KDM4C: variants seen among roughly 807,000 people sequenced by gnomAD.
KDM4C encodes the protein lysine-specific demethylase 4C.
KDM4C carries 81 observed loss-of-function variants against 129.3 expected under a neutral mutation model. That is an observed-to-expected ratio of 0.63 (90% CI 0.52 to 0.75). The LOEUF (loss-of-function observed/expected upper bound fraction) is 0.75. Ranked by LOEUF, KDM4C falls within the 30% of genes least tolerant of loss-of-function variation. The probability of loss-of-function intolerance (pLI) is 0.00; values close to 1 mark genes in which losing one functional copy is unlikely to be tolerated. For synonymous variants in KDM4C, 573 were observed against 456.1 expected, an observed-to-expected ratio of 1.26 and a Z score of -3.26; for missense variants, 1,457 against 1,304.0, an observed-to-expected ratio of 1.12 and a Z score of -1.81.
intron 8 of KDM4C, among the ~76,000 whole-genome samples, chr9:6,933,642 A>G (rs1824169752): frequency 6.6e-6 from 1 of 152,324 alleles, no homozygotes; most frequent in Non-Finnish European, 1.5e-5. Context: ...ACTTGTTGGT[A>G]ATTTGATAAG....
intron 8 of KDM4C, among the ~76,000 whole-genome samples, chr9:6,956,005 C>T (rs1200354330): frequency 6.6e-6 from 1 of 152,138 alleles, no homozygotes; most frequent in Non-Finnish European, 1.5e-5. Context: ...CCTTCAGAAA[C>T]TGCAGTGTGC....
intron 18 of KDM4C, among the ~76,000 whole-genome samples, chr9:7,112,198 C>T (rs867943305): frequency 6.6e-6 from 1 of 152,144 alleles, no homozygotes; most frequent in South Asian, 2.1e-4. Context: ...TTTCCTTCAT[C>T]CATGTTCCCC....
chr9:7,144,060 ATTAC>A (rs1425778471), intron 19 of KDM4C, among the ~76,000 whole-genome samples: 1 of 151,324 alleles, frequency 6.6e-6, no homozygotes, highest in Non-Finnish European at 1.5e-5. Flanking sequence ...GATATCCTGA[ATTAC>A]TTCATTTTTG....
At chr9:7,123,206 A>G (rs1839687472) in intron 18 of KDM4C, among the ~76,000 whole-genome samples, 1 of 152,304 alleles carries the variant, frequency 6.6e-6, no homozygotes, top group African/African-American at 2.4e-5. Flanking sequence ...TAAATTTCAT[A>G]TCCTAAGCAG....
upstream of KDM4C, among the ~76,000 whole-genome samples, chr9:6,753,938 G>A (rs547243957): frequency 1.6e-5 from 2 of 126,726 alleles, no homozygotes; most frequent in Non-Finnish European, 1.6e-5. Flanking sequence ...GCAGTGGCAC[G>A]ACCTCGACTC....
chr9:6,919,508 T>C (rs1459471121), intron 8 of KDM4C, among the ~76,000 whole-genome samples: 1 of 151,092 alleles, frequency 6.6e-6, no homozygotes, highest in African/African-American at 2.4e-5. Flanking sequence ...AAGAATTGCC[T>C]ATATTTCATC....
At chr9:6,926,308 C>G (rs930513819) in intron 8 of KDM4C, among the ~76,000 whole-genome samples, 2 of 112,858 alleles carry the variant, frequency 1.8e-5, no homozygotes, top group Non-Finnish European at 3.6e-5. Flanking sequence ...TGAATAGAAA[C>G]AAGTGGAGAA....
rs116702588 is a variant in KDM4C at position 6,980,132 on chromosome 9, C to G, written c.922-793C>G. Among the ~76,000 whole-genome samples the G allele has an allele frequency of 2.3e-3, 348 of 152,224 alleles. 1 individual carries two copies. Among genetic ancestry groups the G allele is most frequent in the African/African-American group, 7.8e-3 (326 of 41,542 alleles). On this transcript the variant is annotated intron_variant, in intron 8 of 21. Transcript: ENST00000381309. ...GATTGTCAAGGTCTATCAGTTAAAT[C>G]TTGGAGATTATTTATGCACCACCAT... is the stretch of plus-strand genomic sequence containing the variant.
At chr9:6,865,914 T>C (rs925845890) in intron 5 of KDM4C, among the ~76,000 whole-genome samples, 4 of 151,982 alleles carry the variant, frequency 2.6e-5, no homozygotes, top group Admixed American at 6.5e-5. Context: ...CCACCATGCC[T>C]GGCTAATTTT....
At chr9:6,743,871 G>C (rs1817785816) in intron 1 of KDM4C, among the ~76,000 whole-genome samples, 1 of 151,862 alleles carries the variant, frequency 6.6e-6, no homozygotes, top group African/African-American at 2.4e-5. Flanking sequence ...TTGGGGTGGG[G>C]GACACCTGAC....
intron 2 of KDM4C, among the ~76,000 whole-genome samples, chr9:6,793,838 C>T (rs752796031): frequency 2.0e-5 from 3 of 152,020 alleles, no homozygotes; most frequent in Non-Finnish European, 4.4e-5. Flanking sequence ...CCACTGTGCC[C>T]GGCCTCTTTT....
At chr9:7,100,026 G>A (rs1240654355) in intron 17 of KDM4C, among the ~76,000 whole-genome samples, 1 of 152,064 alleles carries the variant, frequency 6.6e-6, no homozygotes, top group Non-Finnish European at 1.5e-5. Flanking sequence ...TTGACTCTCA[G>A]ATGAGACAGG....
intron 17 of KDM4C, among the ~76,000 whole-genome samples, chr9:7,052,226 C>T (rs538820602): frequency 1.3e-5 from 2 of 152,258 alleles, no homozygotes; most frequent in South Asian, 4.1e-4. Flanking sequence ...ATATCAGCTA[C>T]TATATACTTA....
intron 12 of KDM4C, among the ~76,000 whole-genome samples, chr9:6,997,308 A>G (rs1819944064): frequency 6.6e-6 from 1 of 152,226 alleles, no homozygotes; most frequent in South Asian, 2.1e-4. Flanking sequence ...AGGGCCCCTC[A>G]GACATGCGGA....
At chr9:7,152,694 T>C (rs1432608989) in intron 19 of KDM4C, among the ~76,000 whole-genome samples, 2 of 152,176 alleles carry the variant, frequency 1.3e-5, no homozygotes, top group Non-Finnish European at 2.9e-5. Flanking sequence ...ATGGTAAATT[T>C]AGTGTTATGG....
chr9:6,890,747 C>T (rs1367314200), intron 7 of KDM4C, among the ~76,000 whole-genome samples: 2 of 152,078 alleles, frequency 1.3e-5, no homozygotes, highest in South Asian at 2.1e-4. Context: ...AGCAGTCCTC[C>T]CTCTCCTCTC....
At chr9:6,720,907 G>C in exon 1 of KDM4C, 1 of 1,530,718 alleles carries the variant, frequency 6.5e-7, no homozygotes, top group South Asian at 1.2e-5. Context: ...TTGAATAGTT[G>C]GAGTGTTCTG....
chr9:6,833,423 A>G (rs1040976837), intron 4 of KDM4C, among the ~76,000 whole-genome samples: 13 of 152,168 alleles, frequency 8.5e-5, no homozygotes, highest in African/African-American at 2.7e-4. Flanking sequence ...CCCTGATGAT[A>G]TAAAAAGTGT....
chr9:7,146,786 CG>C (rs1842255023), intron 19 of KDM4C, among the ~76,000 whole-genome samples: 3 of 152,184 alleles, frequency 2.0e-5, no homozygotes, highest in African/African-American at 7.2e-5. Context: ...AGGATGTTGA[CG>C]CTTGCCTGCC....
Sources: gnomAD v4.1 joint callset for allele counts (sites outside exome capture counted in the v4.1 genomes callset) on GRCh38, gnomAD v4.1.1 for gene constraint, MANE v1.5 for transcripts, NCBI Gene and HGNC (gene_info 2026-07-23, HGNC 2026-07-21) for gene names.